The following ZNF286A variants were observed in gnomAD, a reference collection of about 807,000 sequenced individuals.
ZNF286A encodes zinc finger protein ZNF286.
ZNF286A carries 34 observed loss-of-function variants against 49.3 expected under a neutral mutation model. That is an observed-to-expected ratio of 0.69 (90% confidence interval 0.52 to 0.92). The LOEUF (loss-of-function observed/expected upper bound fraction) is 0.92, where lower values mean the gene tolerates loss of function less well. ZNF286A is among the 40% of genes least tolerant of loss of function. The probability of loss-of-function intolerance (pLI) is 0.00; values close to 1 mark genes in which losing one functional copy is unlikely to be tolerated. For synonymous variants in ZNF286A, 155 were observed against 200.4 expected (o/e 0.77, Z 1.91); for missense variants, 462 against 600.2 (o/e 0.77, Z 2.41).
intron 3 of ZNF286A, among the ~76,000 whole-genome samples, chr17:15,703,759 C>T (rs1989968228): frequency 6.6e-6 from 1 of 152,116 alleles, no homozygotes; most frequent in Non-Finnish European, 1.5e-5. Context: ...TTTGCTCATT[C>T]ACATATAATA....
intron 5 of ZNF286A, among the ~76,000 whole-genome samples, chr17:15,711,860 G>A (rs9900262): frequency 3.9e-5 from 4 of 103,416 alleles, no homozygotes; most frequent in African/African-American, 1.2e-4. Context: ...TCTGTAATCT[G>A]CCCCCCCCCC....
At position 15,719,677 on chromosome 17, in the gene ZNF286A, C is replaced by CA. The variant is rs1218782014; in HGVS notation, c.*2388dup. On this transcript the variant is annotated 3_prime_UTR_variant, in exon 6 of 6. Transcript: ENST00000583566. ...AAAAGGCCCCATTTCGTAATACCGT[C>CA]AGTTAAGTTTCATTATATGACTTTG... The CA allele has an allele frequency of 1.3e-5, 2 of 152,076 alleles. No individual in the cohort carries two copies. The highest frequency in any genetic ancestry group is 6.6e-5 in the Admixed American group (1 of 15,264). The allele number at this position is 152,076 out of a possible 1,614,324, so 9.4% of individuals were successfully genotyped here.
At chr17:15,706,927 A>G (rs1307902906) in intron 4 of ZNF286A, among the ~76,000 whole-genome samples, 1 of 152,210 alleles carries the variant, frequency 6.6e-6, no homozygotes, top group African/African-American at 2.4e-5. Context: ...AGCAAAGCTA[A>G]AAAAGAAAAT....
Position 15,717,389 on chromosome 17 carries a change from C to G in ZNF286A, c.*99C>G, listed in dbSNP as rs1439094948. 7 of 1,463,924 alleles carry G rather than the reference C, an allele frequency of 4.8e-6. No homozygotes were observed. Among genetic ancestry groups the G allele is most frequent in the Non-Finnish European group, 6.4e-6 (7 of 1,096,868 alleles). 90.7% of individuals were successfully genotyped at this position (1,463,924 alleles called of 1,614,324 possible). On this transcript the variant is annotated 3_prime_UTR_variant, in exon 6 of 6. Coordinates refer to ENST00000583566, the MANE Select transcript of ZNF286A (RefSeq NM_001130842.2). Reference sequence around the variant, plus strand: ...CGCATCCATAATATGCATGTGAGGACCAATTCTGTATGCATCTAATTTCAT... The same window carrying G: ...CGCATCCATAATATGCATGTGAGGAGCAATTCTGTATGCATCTAATTTCAT...
intron 5 of ZNF286A, 152 bp from the exon 6 acceptor site, chr17:15,715,907 A>G: frequency 1.3e-6 from 2 of 1,501,570 alleles, no homozygotes; most frequent in South Asian, 1.3e-5. Context: ...GTTTCCCTCC[A>G]TTTGTTTCTC....
intron 5 of ZNF286A, among the ~76,000 whole-genome samples, chr17:15,713,374 A>G (rs566267142): frequency 2.0e-5 from 3 of 152,364 alleles, no homozygotes; most frequent in African/African-American, 7.2e-5. Flanking sequence ...TTAATGTATG[A>G]CATTATAGAA....
rs548333658 is a variant in ZNF286A at position 15,708,350 on chromosome 17, A to T, written c.334+103A>T. 312 of 843,040 alleles carry T rather than the reference A, an allele frequency of 3.7e-4. 2 individuals are homozygous for T. The South Asian group carries it at 5.6e-3, about 15-fold the overall frequency. The allele number at this position is 843,040 out of a possible 1,614,324, so 52.2% of individuals were successfully genotyped here. A position where few individuals can be genotyped will look rare whatever the true frequency, so the allele number is the denominator to read the frequency against. On this transcript the variant is annotated intron_variant, in intron 5 of 5. Coordinates refer to ENST00000583566, the MANE Select transcript of ZNF286A (RefSeq NM_001130842.2). Reference sequence around the variant, plus strand: ...AGTGCCTGTGTGCCCTTATTTTTAAATTTTTTTAAAATTCTAAAGCATTTA... The same window carrying T: ...AGTGCCTGTGTGCCCTTATTTTTAATTTTTTTTAAAATTCTAAAGCATTTA...
intron 5 of ZNF286A, among the ~76,000 whole-genome samples, chr17:15,713,088 C>T (rs953804659): frequency 5.3e-5 from 8 of 152,166 alleles, no homozygotes; most frequent in African/African-American, 1.9e-4. Flanking sequence ...AAGCTATTAG[C>T]TAATTCATTT....
chr17:15,715,733 T>TA (rs1967009121), intron 5 of ZNF286A, among the ~76,000 whole-genome samples: 1 of 152,196 alleles, frequency 6.6e-6, no homozygotes, highest in Non-Finnish European at 1.5e-5. Context: ...AGGTATTCTA[T>TA]AAAAAGTTAT....
At chr17:15,706,647 G>A in intron 4 of ZNF286A, 146 bp downstream of exon 4, 1 of 513,282 alleles carries the variant, frequency 1.9e-6, no homozygotes, top group Non-Finnish European at 3.3e-6. Flanking sequence ...ATCTGTTTTT[G>A]CTCTAGATTC....
In ZNF286A at chr17:15,717,267, G is replaced by A. The variant is rs143166871; in HGVS notation, c.1543G>A (p.Val515Ile). The change falls in exon 6 of 6, where the codon GTT (valine) becomes ATT (isoleucine). Residue 515 changes from valine to isoleucine, a missense_variant. By Grantham distance (29) the Val-to-Ile change is conservative. Transcript: ENST00000583566. ...CSSSLIRHQR[V>I]HTEEQP ...TTCATCTCTCATCAGACATCAAAGA[G>A]TTCACACTGAAGAGCAACCCTGAAA... 2.7e-4 allele frequency: 426 copies of A among 1,595,494 alleles called. 1 individual carries two copies. The African/African-American group carries it at 5.0e-3, about 19-fold the overall frequency.
At chr17:15,715,906 C>T in intron 5 of ZNF286A, 153 bp from the exon 6 acceptor site, 1 of 1,498,762 alleles carries the variant, frequency 6.7e-7, no homozygotes, top group South Asian at 1.3e-5. Context: ...TGTTTCCCTC[C>T]ATTTGTTTCT....
At chr17:15,710,842 CCTTTT>C (rs1237660916) in intron 5 of ZNF286A, among the ~76,000 whole-genome samples, 1 of 151,876 alleles carries the variant, frequency 6.6e-6, no homozygotes, top group African/African-American at 2.4e-5. Flanking sequence ...GAGGTTTTTA[CCTTTT>C]CTTATGTTAC....
intron 5 of ZNF286A, among the ~76,000 whole-genome samples, chr17:15,715,392 A>G (rs924473911): frequency 6.6e-6 from 1 of 151,802 alleles, no homozygotes; most frequent in African/African-American, 2.4e-5. Flanking sequence ...TTTTCAGGAG[A>G]TGGATAGTAC....
intron 5 of ZNF286A, among the ~76,000 whole-genome samples, chr17:15,713,231 G>T (rs1305931233): frequency 5.3e-5 from 8 of 152,048 alleles, no homozygotes; most frequent in Admixed American, 5.2e-4. Context: ...TCTCTTAAAA[G>T]AAAAATAGAA....
intron 3 of ZNF286A, among the ~76,000 whole-genome samples, chr17:15,705,906 T>C (rs1990194266): frequency 6.6e-6 from 1 of 152,222 alleles, no homozygotes; most frequent in African/African-American, 2.4e-5. Flanking sequence ...TTTAACTGGA[T>C]TGGTTTTTTG....
intron 3 of ZNF286A, among the ~76,000 whole-genome samples, chr17:15,702,092 A>G (rs796262745): frequency 1.3e-5 from 2 of 151,960 alleles, no homozygotes; most frequent in African/African-American, 4.8e-5. Context: ...ACTGCATTCC[A>G]GCCTGGGCAA....
rs1423561340 is a variant in ZNF286A, at chr17:15,719,922, C to G, written c.*2632C>G. 2 of 152,222 alleles carry G rather than the reference C, an allele frequency of 1.3e-5. No individual in the cohort carries two copies. Among genetic ancestry groups the G allele is most frequent in the African/African-American group, 4.8e-5 (2 of 41,460 alleles). 9.4% of individuals were successfully genotyped at this position (152,222 alleles called of 1,614,324 possible). A position where few individuals can be genotyped will look rare whatever the true frequency, so the allele number is the denominator to read the frequency against. On this transcript the variant is annotated 3_prime_UTR_variant, in exon 6 of 6. Transcript: ENST00000583566. ...AGATGGGAAATGCTGCATCAAAATA[C>G]TCCTACCTCTAGGATGTTACTATAT... is the stretch of plus-strand genomic sequence containing the variant.
At chr17:15,714,492 T>C (rs568364878) in intron 5 of ZNF286A, among the ~76,000 whole-genome samples, 147 of 152,288 alleles carry the variant, frequency 9.7e-4, no homozygotes, top group African/African-American at 3.3e-3. Context: ...GTAGCACTTA[T>C]GCTGTGTCAG....
Sources: gnomAD v4.1 joint callset for allele counts (sites outside exome capture counted in the v4.1 genomes callset) on GRCh38, gnomAD v4.1.1 for gene constraint, MANE v1.5 for transcripts, NCBI Gene and HGNC (gene_info 2026-07-23, HGNC 2026-07-21) for gene names.